ZNF503: variants seen among roughly 807,000 people sequenced by gnomAD.
ZNF503 encodes the protein NocA-like zinc finger 2.
In ZNF503, 15 loss-of-function variants were observed where a neutral mutation model predicts 34.4. That is an observed-to-expected ratio of 0.44 (90% CI 0.29 to 0.67). ZNF503 has a LOEUF of 0.67. ZNF503 is among the 30% of genes least tolerant of loss of function. The probability of loss-of-function intolerance (pLI) is 0.13; values close to 1 mark genes in which losing one functional copy is unlikely to be tolerated. For missense variants in ZNF503, 1,007 were observed against 926.8 expected, an observed-to-expected ratio of 1.09 and a Z score of -1.12; for synonymous variants, 580 against 456.8, an observed-to-expected ratio of 1.27 and a Z score of -3.44.
At chr10:75,387,624 T>C in the ZNF503 span, among the ~76,000 whole-genome samples, 1 of 152,184 alleles carries the variant, frequency 6.6e-6, no homozygotes, top group African/African-American at 2.4e-5. Context: ...GGAATCCTTG[T>C]TGTCAGATGG....
the ZNF503 span, among the ~76,000 whole-genome samples, chr10:75,298,515 T>C: frequency 6.6e-6 from 1 of 152,230 alleles, no homozygotes; most frequent in Non-Finnish European, 1.5e-5. Flanking sequence ...CATGTTGTAG[T>C]ATGTATGAGA....
chr10:75,377,316 G>A, the ZNF503 span, among the ~76,000 whole-genome samples: 7 of 152,336 alleles, frequency 4.6e-5, no homozygotes, highest in African/African-American at 1.7e-4. Flanking sequence ...AATCTCCAGA[G>A]TTTCTTATAG....
chr10:75,321,555 G>A, the ZNF503 span, among the ~76,000 whole-genome samples: 2 of 152,224 alleles, frequency 1.3e-5, no homozygotes, highest in Admixed American at 1.3e-4. Flanking sequence ...AGTCCAGGCT[G>A]AGGAGGTCTC....
At chr10:75,349,406 G>A in the ZNF503 span, among the ~76,000 whole-genome samples, 65,835 of 152,060 alleles carry the variant, frequency 0.43, 15,257 homozygotes, top group African/African-American at 0.6. Flanking sequence ...ACTCAATTTA[G>A]ACATTTTCGG....
At chr10:75,333,274 G>T in the ZNF503 span, among the ~76,000 whole-genome samples, 1 of 93,166 alleles carries the variant, frequency 1.1e-5, no homozygotes, top group Non-Finnish European at 2.2e-5. Context: ...CGGCTGGCCG[G>T]GCGGGGGGCT....
At chr10:75,382,114 G>C in the ZNF503 span, among the ~76,000 whole-genome samples, 1 of 151,908 alleles carries the variant, frequency 6.6e-6, no homozygotes, top group Non-Finnish European at 1.5e-5. Context: ...CCAGCCTACA[G>C]AACCTAATTC....
At chr10:75,299,747 G>A in the ZNF503 span, among the ~76,000 whole-genome samples, 1,739 of 152,234 alleles carry the variant, frequency 0.011, 35 homozygotes, top group African/African-American at 0.04. Flanking sequence ...CGGTAGGTTC[G>A]GTGATGCCTG....
the ZNF503 span, among the ~76,000 whole-genome samples, chr10:75,334,637 T>G: frequency 6.6e-6 from 1 of 152,226 alleles, no homozygotes; most frequent in South Asian, 2.1e-4. Flanking sequence ...GGCTGATTTA[T>G]TTATATATTC....
At chr10:75,288,468 A>T in the ZNF503 span, 1 of 152,482 alleles carries the variant, frequency 6.6e-6, no homozygotes, top group East Asian at 1.9e-4. Context: ...CAGTAGCAGC[A>T]ACAAGTCATC....
the ZNF503 span, among the ~76,000 whole-genome samples, chr10:75,316,891 T>G: frequency 2.6e-5 from 4 of 152,096 alleles, no homozygotes; most frequent in Non-Finnish European, 5.9e-5. Flanking sequence ...ATGCCAAAAC[T>G]TATGAGATGA....
At chr10:75,334,173 A>C in the ZNF503 span, among the ~76,000 whole-genome samples, 218 of 150,468 alleles carry the variant, frequency 1.4e-3, no homozygotes, top group African/African-American at 5.2e-3. Flanking sequence ...GCACTTTGGG[A>C]GGCCAAGGCA....
At chr10:75,395,259 A>C (rs1843683454), downstream of ZNF503, among the ~76,000 whole-genome samples, 1 of 152,198 alleles carries the variant, frequency 6.6e-6, no homozygotes, top group African/African-American at 2.4e-5. This position sits in a 1 kb window ranked among gnomAD's most constrained non-coding sequence, Gnocchi z 4.4. Flanking sequence ...ACAGGAATAG[A>C]GAACGAGGAG....
chr10:75,318,273 A>G, the ZNF503 span, among the ~76,000 whole-genome samples: 1 of 152,230 alleles, frequency 6.6e-6, no homozygotes, highest in Non-Finnish European at 1.5e-5. Flanking sequence ...AAGGAGTAGC[A>G]TAATATTTCC....
At position 75,401,275 on chromosome 10, in the gene ZNF503, G is replaced by C; in HGVS notation, c.145C>G (p.Pro49Ala). 1.3e-6 allele frequency: 2 copies of C among 1,589,298 alleles called. No homozygotes were observed. Among genetic ancestry groups the C allele is most frequent in the East Asian group, 2.3e-5 (1 of 43,550 alleles). Residue 49 changes from proline to alanine, a missense_variant, in exon 1 of 2, where the codon CCG (proline) becomes GCG (alanine). Pro to Ala is a conservative substitution (Grantham distance 27, BLOSUM62 -1). Transcript: ENST00000372524. ...ACAAAAGGCTTGGTGCTGCCGGCCG[G>C]GGACGAGCCTGGGCCGGGGCCGGAG... ...NSSGPGPGSS[P>A]AGSTKPFVHA...
the ZNF503 span, among the ~76,000 whole-genome samples, chr10:75,329,675 C>G: frequency 6.6e-6 from 1 of 151,942 alleles, no homozygotes; most frequent in Non-Finnish European, 1.5e-5. Flanking sequence ...TGGAGTGTTT[C>G]TTTGTTGCCC....
At chr10:75,336,102 A>G in the ZNF503 span, among the ~76,000 whole-genome samples, 2 of 152,018 alleles carry the variant, frequency 1.3e-5, no homozygotes, top group South Asian at 2.1e-4. Flanking sequence ...TCTCATTTCT[A>G]CTTCTGTTTC....
At chr10:75,352,223 G>A in the ZNF503 span, among the ~76,000 whole-genome samples, 1 of 152,216 alleles carries the variant, frequency 6.6e-6, no homozygotes, top group Non-Finnish European at 1.5e-5. Context: ...GCCAGGCTTT[G>A]TCTTTATGCA....
the ZNF503 span, among the ~76,000 whole-genome samples, chr10:75,321,668 G>T: frequency 6.6e-6 from 1 of 152,184 alleles, no homozygotes; most frequent in Non-Finnish European, 1.5e-5. Flanking sequence ...GGGATCTTTG[G>T]AACTTTGAAC....
At chr10:75,382,305 C>A in the ZNF503 span, 1 of 253,802 alleles carries the variant, frequency 3.9e-6, no homozygotes, top group Non-Finnish European at 8.1e-6. Flanking sequence ...TCAAATCTTC[C>A]TTACTAAGGA....
Sources: gnomAD v4.1 joint callset for allele counts (sites outside exome capture counted in the v4.1 genomes callset) on GRCh38, gnomAD v4.1.1 for gene constraint, Gnocchi (gnomAD v3.1) non-coding constraint, MANE v1.5 for transcripts, NCBI Gene and HGNC (gene_info 2026-07-23, HGNC 2026-07-21) for gene names.